Variants in SNRPC observed in about 807,000 individuals in gnomAD.
The protein encoded by SNRPC is U1 small nuclear ribonucleoprotein C.
In SNRPC, 5 loss-of-function variants were observed where a neutral mutation model predicts 20.0. The ratio of observed to expected loss-of-function variants is 0.25; its 90% CI spans 0.13 to 0.53. The LOEUF is 0.53. Among genes scored for constraint, SNRPC ranks in the 20% least tolerant of loss-of-function variants. SNRPC has a pLI of 0.96. For missense variants in SNRPC, 112 were observed against 224.1 expected (o/e 0.50, Z 3.19); for synonymous variants, 61 against 58.7 (o/e 1.04, Z -0.18).
rs76536117 is a variant in SNRPC, at chr6:34,760,426, G to C, written c.52-2169G>C. On this transcript the variant is annotated intron_variant, in intron 2 of 5. Transcript: ENST00000244520. ...CTAGAATAGAGTGCTCTGATAAATT[G>C]GTATTTTTAGTAGCTAGTCAGTTCT... Among the ~76,000 whole-genome samples, 1,281 of 152,050 alleles carry C rather than the reference G, an allele frequency of 8.4e-3. 19 individuals are homozygous for C. Among genetic ancestry groups the C allele is most frequent in the African/African-American group, 0.027 (1,117 of 41,474 alleles).
intron 4 of SNRPC, 59 bp downstream of exon 4, chr6:34,768,056 T>C: frequency 6.7e-7 from 1 of 1,483,780 alleles, no homozygotes; most frequent in Non-Finnish European, 9.2e-7. Context: ...TTTGATTAGG[T>C]TAGATTATCT....
intron 4 of SNRPC, among the ~76,000 whole-genome samples, chr6:34,769,691 C>A (rs930255739): frequency 6.6e-6 from 1 of 152,120 alleles, no homozygotes; most frequent in Non-Finnish European, 1.5e-5. Context: ...ATAGAAGGTA[C>A]AACCTCTCCA....
intron 1 of SNRPC, 34 bp from the exon 2 acceptor site, chr6:34,757,878 G>GTCA (rs34594913): frequency 0.35 from 564,175 of 1,611,700 alleles, 104,730 homozygotes; most frequent in African/African-American, 0.68. Flanking sequence ...CTCAGTGGTT[G>GTCA]TCGTCTTTTT....
At chr6:34,769,052 C>A (rs937458292) in intron 4 of SNRPC, among the ~76,000 whole-genome samples, 1 of 152,094 alleles carries the variant, frequency 6.6e-6, no homozygotes, top group South Asian at 2.1e-4. Context: ...CCCTGGCAAA[C>A]CTTTTCTGGG....
intron 3 of SNRPC, among the ~76,000 whole-genome samples, chr6:34,763,335 T>C (rs1764562074): frequency 6.6e-6 from 1 of 152,128 alleles, no homozygotes; most frequent in Admixed American, 6.6e-5. Flanking sequence ...TTCTTAATCA[T>C]TCATTGTACT....
chr6:34,757,878 G>GTCC, intron 1 of SNRPC, 34 bp from the exon 2 acceptor site: 1 of 1,612,772 alleles, frequency 6.2e-7, no homozygotes, highest in Non-Finnish European at 8.5e-7. Context: ...CTCAGTGGTT[G>GTCC]TCGTCTTTTT....
intron 2 of SNRPC, among the ~76,000 whole-genome samples, chr6:34,761,297 G>A (rs145250393): frequency 6.1e-4 from 92 of 151,204 alleles, no homozygotes; most frequent in African/African-American, 2.1e-3. Context: ...GTGCCATCAT[G>A]CCCAACTAAT....
At chr6:34,764,495 A>C (rs555700553) in intron 3 of SNRPC, among the ~76,000 whole-genome samples, 3 of 150,006 alleles carry the variant, frequency 2.0e-5, no homozygotes, top group Non-Finnish European at 3.0e-5. Flanking sequence ...ACAAAAAAAA[A>C]CAACAAAAAA....
Position 34,757,526 on chromosome 6 carries a change from A to G in SNRPC, c.-18A>G, listed in dbSNP as rs749047095. On this transcript the variant is annotated 5_prime_UTR_variant, in exon 1 of 6. Coordinates refer to ENST00000244520, the MANE Select transcript of SNRPC (RefSeq NM_003093.3). ...CCGGGCGTCACGTAACGGAGTGGCC[A>G]ACGGCCTGCAGAGCAACATGCCCAA... The G allele has an allele frequency of 1.2e-6, 2 of 1,613,450 alleles. No individual in the cohort carries two copies. The highest frequency in any genetic ancestry group is 1.1e-5 in the South Asian group (1 of 91,054).
intron 3 of SNRPC, among the ~76,000 whole-genome samples, chr6:34,763,124 T>C (rs1329636230): frequency 2.0e-5 from 3 of 152,292 alleles, no homozygotes; most frequent in Middle Eastern, 3.4e-3. Context: ...GATTTCTTAT[T>C]TGTAGTCCTG....
At chr6:34,760,715 A>G (rs1764524885) in intron 2 of SNRPC, among the ~76,000 whole-genome samples, 1 of 152,110 alleles carries the variant, frequency 6.6e-6, no homozygotes, top group Admixed American at 6.6e-5. Flanking sequence ...GAAAATGTCT[A>G]TGGTGATTGA....
chr6:34,761,193 G>T (rs1406001548), intron 2 of SNRPC, among the ~76,000 whole-genome samples: 1 of 151,760 alleles, frequency 6.6e-6, no homozygotes, highest in Non-Finnish European at 1.5e-5. Flanking sequence ...AGGCTGGAGT[G>T]CAGTAGCATG....
At chr6:34,768,188 A>G (rs1394456981) in intron 4 of SNRPC, among the ~76,000 whole-genome samples, 191 bp downstream of exon 4, 2 of 152,210 alleles carry the variant, frequency 1.3e-5, no homozygotes, top group Non-Finnish European at 2.9e-5. Flanking sequence ...TATAATTTCT[A>G]AAATAACTTT....
intron 4 of SNRPC, among the ~76,000 whole-genome samples, chr6:34,769,445 G>A (rs1409085539): frequency 1.3e-5 from 2 of 151,696 alleles, no homozygotes; most frequent in South Asian, 2.1e-4. Context: ...TGCCCGCCTC[G>A]GCCTCCCAAA....
intron 5 of SNRPC, among the ~76,000 whole-genome samples, chr6:34,771,789 G>A (rs1350346629): frequency 6.6e-6 from 1 of 152,146 alleles, no homozygotes; most frequent in African/African-American, 2.4e-5. Flanking sequence ...GAGGGGGAGA[G>A]TGTAGATAAA....
chr6:34,762,565 T>C (rs371805650), intron 2 of SNRPC, 30 bp from the exon 3 acceptor site: 1 of 1,188,722 alleles, frequency 8.4e-7, no homozygotes, highest in Non-Finnish European at 1.2e-6. Flanking sequence ...CATTTGTTTC[T>C]ACGTCTGATA....
At chr6:34,772,283 A>G (rs1045748435) in intron 5 of SNRPC, among the ~76,000 whole-genome samples, 18 of 152,242 alleles carry the variant, frequency 1.2e-4, no homozygotes, top group African/African-American at 4.3e-4. Context: ...AGACTTTTGT[A>G]TGAAATCCCA....
intron 3 of SNRPC, among the ~76,000 whole-genome samples, chr6:34,765,540 G>A (rs181051463): frequency 2.6e-5 from 4 of 152,088 alleles, no homozygotes; most frequent in Admixed American, 2.0e-4. Flanking sequence ...GGGTTCAAGC[G>A]AGTCTCCTGC....
chr6:34,765,204 G>A (rs369833489), intron 3 of SNRPC, among the ~76,000 whole-genome samples: 1 of 152,178 alleles, frequency 6.6e-6, no homozygotes, highest in East Asian at 1.9e-4. Flanking sequence ...CAGGATGTTT[G>A]ACAGCATCCC....
Sources: allele counts gnomAD v4.1 joint callset (sites outside exome capture counted in the v4.1 genomes callset), GRCh38; gene constraint gnomAD v4.1.1; transcripts MANE v1.5; gene names NCBI Gene and HGNC (gene_info 2026-07-23, HGNC 2026-07-21).